The following SV2C variants were observed in gnomAD, a reference collection of about 807,000 sequenced individuals.
The protein encoded by SV2C is synaptic vesicle glycoprotein 2C, also known as solute carrier family 22 member B3.
Under a neutral mutation model 79.7 loss-of-function variants are expected in SV2C, and 49 were observed. The ratio of observed to expected loss-of-function variants is 0.61; its 90% CI spans 0.49 to 0.78. The LOEUF (loss-of-function observed/expected upper bound fraction) is 0.78. Among genes scored for constraint, SV2C ranks in the 30% least tolerant of loss-of-function variants. SV2C has a pLI of 0.00. For missense variants in SV2C, 833 were observed against 912.9 expected, an observed-to-expected ratio of 0.91 and a Z score of 1.13; for synonymous variants, 334 against 333.2, an observed-to-expected ratio of 1.00 and a Z score of -0.03.
At chr5:75,941,587 C>A in the SV2C span, among the ~76,000 whole-genome samples, 1 of 152,128 alleles carries the variant, frequency 6.6e-6, no homozygotes, top group African/African-American at 2.4e-5. Context: ...ATATGGCTGT[C>A]CAGCTAAAAT....
At chr5:76,227,194 C>T (rs768244673) in intron 4 of SV2C, among the ~76,000 whole-genome samples, 14 of 152,236 alleles carry the variant, frequency 9.2e-5, no homozygotes, top group Admixed American at 3.3e-4. Flanking sequence ...AACTGCATGA[C>T]GGCCTGTACT....
the SV2C span, among the ~76,000 whole-genome samples, chr5:75,980,556 C>T: frequency 6.6e-6 from 1 of 151,898 alleles, no homozygotes; most frequent in African/African-American, 2.4e-5. Context: ...AAGTTGGGTT[C>T]AACATACACA....
At chr5:75,970,459 C>A in the SV2C span, among the ~76,000 whole-genome samples, 1 of 151,918 alleles carries the variant, frequency 6.6e-6, no homozygotes, top group African/African-American at 2.4e-5. Flanking sequence ...AGAGAAGAAT[C>A]AAATAGACGC....
Position 76,291,838 on chromosome 5 carries a change from G to C in SV2C, c.1319G>C (p.Trp440Ser). The part of the protein sequence containing the change: ...RDNTIKLTIV[W>S]FTLSFGYYGL... ...AATACAATAAAGCTTACAATTGTTT[G>C]GTTCACCCTGTCCTTTGGGTAAGTG... Residue 440 changes from tryptophan to serine, a missense_variant, in exon 8 of 13, where the codon TGG (tryptophan) becomes TCG (serine). Transcript: ENST00000502798. The C allele has an allele frequency of 6.2e-7, 1 of 1,608,722 alleles. No individual in the cohort carries two copies. The highest frequency in any genetic ancestry group is 1.1e-5 in the South Asian group (1 of 90,186).
At chr5:76,312,675 G>T (rs1249063197) in intron 12 of SV2C, among the ~76,000 whole-genome samples, 1 of 152,254 alleles carries the variant, frequency 6.6e-6, no homozygotes, top group African/African-American at 2.4e-5. Flanking sequence ...GGCCAGGCAA[G>T]CCTGTCTCAT....
intron 1 of SV2C, among the ~76,000 whole-genome samples, chr5:76,120,749 T>G (rs1204411084): frequency 2.7e-5 from 4 of 150,640 alleles, no homozygotes; most frequent in Admixed American, 1.3e-4. Flanking sequence ...TGCCACATTT[T>G]CTTAATCCAG....
chr5:76,313,382 C>G (rs920828583), intron 12 of SV2C, among the ~76,000 whole-genome samples: 2 of 152,062 alleles, frequency 1.3e-5, no homozygotes, highest in African/African-American at 4.8e-5. Context: ...CTTTGGCTAT[C>G]CAGCAAAAGT....
At chr5:76,051,186 T>C in the SV2C span, among the ~76,000 whole-genome samples, 2 of 151,842 alleles carry the variant, frequency 1.3e-5, no homozygotes, top group Admixed American at 6.6e-5. Context: ...TTAGCTAATA[T>C]AAAAAAAAGT....
At chr5:75,899,244 G>T in the SV2C span, among the ~76,000 whole-genome samples, 4 of 152,164 alleles carry the variant, frequency 2.6e-5, no homozygotes, top group Non-Finnish European at 5.9e-5. Flanking sequence ...CTTTGAATGT[G>T]TCCCGGAGAT....
At chr5:76,053,946 AT>A in the SV2C span, among the ~76,000 whole-genome samples, 9 of 152,036 alleles carry the variant, frequency 5.9e-5, no homozygotes, top group African/African-American at 1.9e-4. Flanking sequence ...ATAATTTATA[AT>A]TTTTTTAATG....
chr5:75,945,387 C>T, the SV2C span, among the ~76,000 whole-genome samples: 2 of 151,906 alleles, frequency 1.3e-5, no homozygotes, highest in South Asian at 2.1e-4. Flanking sequence ...TCATGGCTCA[C>T]TGCAATCTCT....
the SV2C span, chr5:75,921,079 G>T: frequency 1.3e-6 from 1 of 768,412 alleles, no homozygotes; most frequent in Non-Finnish European, 2.2e-6. Flanking sequence ...TGTCAGGGAT[G>T]GGGCCAAACT....
At chr5:76,264,383 C>T (rs1298148140) in intron 4 of SV2C, among the ~76,000 whole-genome samples, 2 of 152,000 alleles carry the variant, frequency 1.3e-5, no homozygotes, top group Non-Finnish European at 2.9e-5. Context: ...AGAATGTGCT[C>T]CTTTAGCTCA....
intron 2 of SV2C, among the ~76,000 whole-genome samples, chr5:76,177,236 A>AGT: frequency 6.7e-6 from 1 of 148,722 alleles, no homozygotes; most frequent in African/African-American, 2.5e-5. Flanking sequence ...TAATCTGTAT[A>AGT]TATGATTCTT....
chr5:76,043,414 AG>A, the SV2C span, among the ~76,000 whole-genome samples: 10 of 152,196 alleles, frequency 6.6e-5, no homozygotes, highest in African/African-American at 2.4e-4. Flanking sequence ...CTGTCATGGA[AG>A]TTAAATAAGT....
intron 4 of SV2C, among the ~76,000 whole-genome samples, chr5:76,281,850 A>G (rs939658145): frequency 1.1e-4 from 17 of 152,172 alleles, no homozygotes; most frequent in Non-Finnish European, 1.9e-4. Flanking sequence ...TTGTATTTAC[A>G]TTGAGCCCAA....
chr5:76,280,506 T>A (rs1747152256), intron 4 of SV2C, among the ~76,000 whole-genome samples: 1 of 152,162 alleles, frequency 6.6e-6, no homozygotes, highest in Non-Finnish European at 1.5e-5. Context: ...AGTCTCTCCA[T>A]CAGCTGATAT....
intron 2 of SV2C, among the ~76,000 whole-genome samples, chr5:76,161,886 A>G (rs1238206814): frequency 6.6e-6 from 1 of 152,162 alleles, no homozygotes; most frequent in Non-Finnish European, 1.5e-5. Context: ...GAACAGTGCC[A>G]TTTTAGTGAT....
the SV2C span, among the ~76,000 whole-genome samples, chr5:75,995,471 T>A: frequency 1.3e-5 from 2 of 152,104 alleles, no homozygotes; most frequent in East Asian, 3.9e-4. Context: ...TGCAGGCAAC[T>A]AAGATTTCCC....
Sources: gnomAD v4.1 joint callset for allele counts (sites outside exome capture counted in the v4.1 genomes callset) on GRCh38, gnomAD v4.1.1 for gene constraint, MANE v1.5 for transcripts, NCBI Gene and HGNC (gene_info 2026-07-23, HGNC 2026-07-21) for gene names.